Variants in TFEB observed in about 807,000 individuals in gnomAD.
The protein encoded by TFEB is transcription factor EB.
Under a neutral mutation model 48.0 loss-of-function variants are expected in TFEB, and 12 were observed. The observed-to-expected ratio is 0.25, with a 90% CI of 0.16 to 0.40. The LOEUF is 0.40. Ranked by LOEUF, TFEB falls within the 10% of genes least tolerant of loss-of-function variation. The pLI is 1.00. For missense variants in TFEB, 509 were observed against 640.3 expected (o/e 0.79, Z 2.21); for synonymous variants, 244 against 261.4 (o/e 0.93, Z 0.64).
chr6:41,705,709 C>T (rs1372323020), intron 1 of TFEB: 1 of 152,548 alleles, frequency 6.6e-6, no homozygotes, highest in Non-Finnish European at 1.5e-5. Context: ...CTCAGATGGG[C>T]TCCAAAGAAA....
At chr6:41,686,646 G>T in intron 7 of TFEB, 2 of 237,290 alleles carry the variant, frequency 8.4e-6, no homozygotes, top group Non-Finnish European at 1.7e-5. Flanking sequence ...CTCCCTAGTA[G>T]CTGGCACTGT....
chr6:41,734,267 G>C lies in TFEB; in HGVS notation c.-23+1083C>G. The C allele has an allele frequency of 1.2e-6, 1 of 824,200 alleles. No individual in the cohort carries two copies. The highest frequency in any genetic ancestry group is 1.8e-5 in the African/African-American group (1 of 54,102). 51.1% of individuals were successfully genotyped at this position (824,200 alleles called of 1,614,324 possible). A position where few individuals can be genotyped will look rare whatever the true frequency, so the allele number is the denominator to read the frequency against. On this transcript the variant is annotated intron_variant, in intron 1 of 8. Transcript: ENST00000373033. The surrounding 1 kb of genome is among the most constrained non-coding windows in gnomAD (Gnocchi z 4.0). The stretch of plus-strand genomic sequence containing the variant: ...GGAGGGCGGGGGCCTGGGCCCAGCG[G>C]GGTTCGCGCAGACAAGCCCCGCCCC...
intron 1 of TFEB, among the ~76,000 whole-genome samples, chr6:41,722,628 CTG>C (rs1771030210): frequency 6.6e-6 from 1 of 152,348 alleles, no homozygotes; most frequent in South Asian, 2.1e-4. Context: ...CATGGGGTGA[CTG>C]AGGGTGAAGG....
chr6:41,734,322 G>A lies in TFEB; in HGVS notation c.-23+1028C>T, dbSNP rs2127282444. ...TCCCTCCCTTCCTCACCCGGGGCGC[G>A]GGGCTGGGGCGCGCCAGGCGGCTGC... On this transcript the variant is annotated intron_variant, in intron 1 of 8. Coordinates refer to ENST00000373033, the MANE Select transcript of TFEB (RefSeq NM_001271944.2). This position sits in a 1 kb window ranked among gnomAD's most constrained non-coding sequence, Gnocchi z 4.0. 1.0e-6 allele frequency: 1 copy of A among 984,316 alleles called. No homozygotes were observed. Among genetic ancestry groups the A allele is most frequent in the East Asian group, 1.1e-4 (1 of 8,742 alleles). 61.0% of individuals were successfully genotyped at this position (984,316 alleles called of 1,614,324 possible). A position where few individuals can be genotyped will look rare whatever the true frequency, so the allele number is the denominator to read the frequency against.
intron 1 of TFEB, among the ~76,000 whole-genome samples, chr6:41,708,147 C>T (rs1770322995): frequency 6.6e-6 from 1 of 152,242 alleles, no homozygotes; most frequent in Admixed American, 6.5e-5. Context: ...GCTGTGAGTG[C>T]CTGGAGGCAT....
rs1771411658 is a variant in TFEB at position 41,730,628 on chromosome 6, G to C, written c.-23+4722C>G. ...CTGCTCCTCTTGGCTCTCACCCACG[G>C]CTTTGCCATTTCACAGCAAAGCATT... On this transcript the variant is annotated intron_variant, in intron 1 of 8. Coordinates refer to ENST00000373033, the MANE Select transcript of TFEB (RefSeq NM_001271944.2). The surrounding 1 kb of genome is among the most constrained non-coding windows in gnomAD (Gnocchi z 4.1). Among the ~76,000 whole-genome samples the C allele has an allele frequency of 6.6e-6, 1 of 152,160 alleles. No individual in the cohort carries two copies. Among genetic ancestry groups the C allele is most frequent in the Non-Finnish European group, 1.5e-5 (1 of 68,032 alleles).
intron 8 of TFEB, 83 bp from the exon 9 acceptor site, chr6:41,685,161 C>T: frequency 7.3e-7 from 1 of 1,363,402 alleles, no homozygotes; most frequent in Non-Finnish European, 9.5e-7. Context: ...TCTATCACAG[C>T]ACTTGCCCCT....
At chr6:41,721,875 A>G (rs1188376975) in intron 1 of TFEB, among the ~76,000 whole-genome samples, 2 of 152,230 alleles carry the variant, frequency 1.3e-5, no homozygotes. Flanking sequence ...TCATGCCCAC[A>G]GATGAGTGGC....
At chr6:41,701,252 G>T (rs2127456519) in intron 1 of TFEB, among the ~76,000 whole-genome samples, 1 of 152,290 alleles carries the variant, frequency 6.6e-6, no homozygotes, top group East Asian at 1.9e-4. Context: ...CTGGGTTGGG[G>T]AGTGGTGGGA....
Position 41,691,224 on chromosome 6 carries a change from G to A in TFEB, c.-11C>T, listed in dbSNP as rs765786991. On this transcript the variant is annotated 5_prime_UTR_variant, in exon 2 of 9. Coordinates refer to ENST00000373033, the MANE Select transcript of TFEB (RefSeq NM_001271944.2). This position sits in a 1 kb window ranked among gnomAD's most constrained non-coding sequence, Gnocchi z 5.2. ...TATGCGTGACGCCATGGTGGCTGCC[G>A]GCGCTGGCTCCCTGTGGATGAGAAG... 55 of 1,570,368 alleles carry A rather than the reference G, an allele frequency of 3.5e-5. No individual in the cohort carries two copies. The highest frequency in any genetic ancestry group is 9.2e-5 in the South Asian group (8 of 86,642).
At chr6:41,718,953 C>T (rs61323150) in intron 1 of TFEB, among the ~76,000 whole-genome samples, 16,273 of 152,252 alleles carry the variant, frequency 0.11, 1,050 homozygotes, top group East Asian at 0.21. Context: ...CATACTAATC[C>T]ATGGCCGGTT....
At chr6:41,705,821 A>G (rs1309797962) in intron 1 of TFEB, 2 of 152,252 alleles carry the variant, frequency 1.3e-5, no homozygotes, top group South Asian at 2.1e-4. Context: ...GTGTGATTTC[A>G]TGGGTTCTGG....
intron 1 of TFEB, among the ~76,000 whole-genome samples, chr6:41,729,874 G>A (rs1470950701): frequency 2.0e-5 from 3 of 152,332 alleles, no homozygotes; most frequent in African/African-American, 4.8e-5. Context: ...GGAGAAGGAC[G>A]GCTCTCACCT....
chr6:41,715,224 G>A (rs938639755), intron 1 of TFEB, among the ~76,000 whole-genome samples: 1 of 152,286 alleles, frequency 6.6e-6, no homozygotes, highest in South Asian at 2.1e-4. Flanking sequence ...GGAGGAAGCA[G>A]GGAGTATGTG....
At chr6:41,729,441 T>G (rs1289273491) in intron 1 of TFEB, among the ~76,000 whole-genome samples, 1 of 152,172 alleles carries the variant, frequency 6.6e-6, no homozygotes, top group Non-Finnish European at 1.5e-5. Flanking sequence ...TTGCCCTCCA[T>G]AGGGTGGGAA....
In TFEB at chr6:41,691,227, G is replaced by A. The variant is rs368883481; in HGVS notation, c.-14C>T. 35 of 1,569,130 alleles carry A rather than the reference G, an allele frequency of 2.2e-5. No individual in the cohort carries two copies. The African/African-American group carries it at 2.7e-4, about 12-fold the overall frequency. ...GCGTGACGCCATGGTGGCTGCCGGC[G>A]CTGGCTCCCTGTGGATGAGAAGGGG... On this transcript the variant is annotated 5_prime_UTR_variant, in exon 2 of 9. Transcript: ENST00000373033. This position sits in a 1 kb window ranked among gnomAD's most constrained non-coding sequence, Gnocchi z 5.2.
Position 41,723,621 on chromosome 6 carries a change from G to GA in TFEB, c.-23+11728dup. The GA allele has an allele frequency of 9.2e-6, 10 of 1,083,982 alleles. No individual in the cohort carries two copies. Among genetic ancestry groups the GA allele is most frequent in the Non-Finnish European group, 1.2e-5 (10 of 834,118 alleles). 67.1% of individuals were successfully genotyped at this position (1,083,982 alleles called of 1,614,324 possible). On this transcript the variant is annotated intron_variant, in intron 1 of 8. Transcript: ENST00000373033. The surrounding 1 kb of genome is among the most constrained non-coding windows in gnomAD (Gnocchi z 6.0). Reference sequence around the variant, plus strand: ...AGCCCCCTGCACCTCAGCTGGAGAGGAAGTTGCACAATCCCCTGGGAGCTG... The same window carrying GA: ...AGCCCCCTGCACCTCAGCTGGAGAGGAAAGTTGCACAATCCCCTGGGAGCTG...
chr6:41,718,192 T>TG (rs940414767), intron 1 of TFEB, among the ~76,000 whole-genome samples: 3 of 151,880 alleles, frequency 2.0e-5, no homozygotes, highest in South Asian at 2.1e-4. Flanking sequence ...GGTGTTTTTT[T>TG]TTGTTGTTTT....
At chr6:41,705,370 C>T (rs1770157181) in intron 1 of TFEB, among the ~76,000 whole-genome samples, 1 of 152,206 alleles carries the variant, frequency 6.6e-6, no homozygotes, top group African/African-American at 2.4e-5. Context: ...TGCCTGCTGA[C>T]TCCCCTCTCC....
Sources: gnomAD v4.1 joint callset for allele counts (sites outside exome capture counted in the v4.1 genomes callset) on GRCh38, gnomAD v4.1.1 for gene constraint, Gnocchi (gnomAD v3.1) non-coding constraint, MANE v1.5 for transcripts, NCBI Gene and HGNC (gene_info 2026-07-23, HGNC 2026-07-21) for gene names.